The following ATP7B variants were observed in gnomAD, a reference collection of about 807,000 sequenced individuals.
The protein encoded by ATP7B is ATPase copper transporting beta.
A neutral mutation model predicts 118.9 loss-of-function variants in ATP7B; 113 were observed. The observed-to-expected ratio is 0.95, with a 90% CI of 0.82 to 1.11. ATP7B has a LOEUF of 1.11. ATP7B is among the 50% of genes most tolerant of loss of function. ATP7B has a pLI of 0.00. For synonymous variants in ATP7B, 777 were observed against 727.4 expected, an observed-to-expected ratio of 1.07 and a Z score of -1.10; for missense variants, 1,867 against 1,871.4, an observed-to-expected ratio of 1.00 and a Z score of 0.04.
intron 1 of ATP7B, among the ~76,000 whole-genome samples, chr13:51,991,570 A>C (rs1952916542): frequency 1.3e-5 from 2 of 152,214 alleles, no homozygotes; most frequent in Admixed American, 6.5e-5. Flanking sequence ...AAGGAGGCTT[A>C]AGCAGTTGTT....
intron 12 of ATP7B, among the ~76,000 whole-genome samples, chr13:51,948,571 G>A (rs1013615839): frequency 6.6e-6 from 1 of 152,160 alleles, no homozygotes; most frequent in Non-Finnish European, 1.5e-5. Context: ...CAACCTCAGT[G>A]CTACTGACAT....
intron 16 of ATP7B, among the ~76,000 whole-genome samples, chr13:51,940,230 C>G (rs1957249634): frequency 6.8e-6 from 1 of 146,810 alleles, no homozygotes; most frequent in African/African-American, 2.5e-5. Context: ...TCAGACTGGT[C>G]TCGAACTCCC....
At chr13:51,938,914 G>T in intron 17 of ATP7B, 137 bp downstream of exon 17, 1 of 1,386,504 alleles carries the variant, frequency 7.2e-7, no homozygotes, top group Non-Finnish European at 1.0e-6. Context: ...GCCACAGAAT[G>T]AAACACGTGG....
At chr13:51,950,528 A>G in intron 9 of ATP7B, 129 bp from the exon 10 acceptor site, 1 of 1,356,938 alleles carries the variant, frequency 7.4e-7, no homozygotes, top group South Asian at 1.2e-5. Context: ...TGATCTGTTC[A>G]TTTACAGATA....
rs770782111 is a variant in ATP7B, at chr13:51,946,357, A to G, written c.2987T>C (p.Met996Thr). Residue 996 changes from methionine (M) to threonine (T), a missense_variant, in exon 13 of 21, where the codon ATG (methionine) becomes ACG (threonine). Met to Thr is a moderately conservative substitution (Grantham distance 81). Transcript: ENST00000242839. ...SLGLATPTAVMVGTGVAAQNG... is the reference protein window; with the variant it reads ...SLGLATPTAVTVGTGVAAQNG... ...CTGCGCGGCCACCCCGGTGCCCACCATGACAGCCGTGGGCGTGGCCAGCCC... is the reference window on the plus strand; with the variant it reads ...CTGCGCGGCCACCCCGGTGCCCACCGTGACAGCCGTGGGCGTGGCCAGCCC... The G allele has an allele frequency of 6.2e-6, 10 of 1,612,932 alleles. No homozygotes were observed. Among genetic ancestry groups the G allele is most frequent in the Non-Finnish European group, 7.6e-6 (9 of 1,179,794 alleles).
At chr13:51,940,344 G>A (rs964292218) in intron 16 of ATP7B, among the ~76,000 whole-genome samples, 13 of 143,342 alleles carry the variant, frequency 9.1e-5, no homozygotes, top group African/African-American at 2.5e-4. Flanking sequence ...TACTCTGTGC[G>A]ACACCAGTCT....
chr13:51,937,368 C>T lies in ATP7B; in HGVS notation c.3929G>A (p.Ser1310Asn). ...IRNDLLDVVA[S>N]IHLSKRTVRR... Reference sequence around the variant, plus strand: ...GACAGTCCTCTTGGAAAGGTGAATGCTAGCCACCACATCCAGCAAATCATT... The same window carrying T: ...GACAGTCCTCTTGGAAAGGTGAATGTTAGCCACCACATCCAGCAAATCATT... Residue 1310 changes from serine (S) to asparagine (N), a missense_variant, in exon 19 of 21, where the codon AGC becomes AAC. Transcript: ENST00000242839. 1.2e-6 allele frequency: 2 copies of T among 1,614,212 alleles called. No homozygotes were observed. The highest frequency in any genetic ancestry group is 1.7e-6 in the Non-Finnish European group (2 of 1,180,026).
chr13:51,939,276 TATA>T lies in ATP7B; in HGVS notation c.3557-86_3557-84del, dbSNP rs1181603700. The T allele has an allele frequency of 9.5e-6, 15 of 1,582,744 alleles. No homozygotes were observed. In the African/African-American group the frequency reaches 1.9e-4, roughly 20 times the overall value. Reference sequence around the variant, plus strand: ...TACCACACTTGCAATGTTCTCATCATATAATATTATGTGCAAAAAACAAAACAT... The same window carrying T: ...TACCACACTTGCAATGTTCTCATCATATATTATGTGCAAAAAACAAAACAT... On this transcript the variant is annotated intron_variant, in intron 16 of 20. Coordinates refer to ENST00000242839, the MANE Select transcript of ATP7B (RefSeq NM_000053.4).
At chr13:51,987,175 A>G (rs893244665) in intron 1 of ATP7B, among the ~76,000 whole-genome samples, 3 of 152,186 alleles carry the variant, frequency 2.0e-5, no homozygotes, top group Non-Finnish European at 4.4e-5. Context: ...AAACCCCATC[A>G]TCTCAGCCCA....
intron 1 of ATP7B, among the ~76,000 whole-genome samples, chr13:52,005,263 A>C (rs1953711574): frequency 6.6e-6 from 1 of 152,184 alleles, no homozygotes; most frequent in Admixed American, 6.5e-5. Context: ...TTTTGATTAT[A>C]ATTTCTGTCT....
At position 51,950,112 on chromosome 13, in the gene ATP7B, C is replaced by A. The variant is rs1052834834; in HGVS notation, c.2625G>T (p.Gly875=). 1 of 1,614,186 alleles carries A rather than the reference C, an allele frequency of 6.2e-7. No individual in the cohort carries two copies. Among genetic ancestry groups the A allele is most frequent in the South Asian group, 1.1e-5 (1 of 91,078 alleles). Residue 875 remains glycine, a synonymous_variant, in exon 11 of 21, where the codon GGG becomes GGT. Transcript: ENST00000242839. ...GCACAGAGCCATGTGCATTTATAGA[C>A]CCCGCAATTACAGTGCTTCCGGGTT... ...TKKPGSTVIA[G]SINAHGSVLI...
intron 7 of ATP7B, 107 bp from the exon 8 acceptor site, chr13:51,958,651 A>T: frequency 1.1e-6 from 1 of 896,572 alleles, no homozygotes; most frequent in Admixed American, 2.0e-5. Context: ...CTTTGTGCAC[A>T]GTCGTGACAG....
chr13:52,008,079 C>A (rs923421570), intron 1 of ATP7B, among the ~76,000 whole-genome samples: 2 of 151,940 alleles, frequency 1.3e-5, no homozygotes, highest in East Asian at 3.9e-4. Flanking sequence ...AGTGGCCTCA[C>A]GCCTGTAATT....
At chr13:51,960,590 T>C (rs1958670360) in intron 6 of ATP7B, among the ~76,000 whole-genome samples, 1 of 152,160 alleles carries the variant, frequency 6.6e-6, no homozygotes. Context: ...ACCTCCAATT[T>C]ACGGGTGAGG....
chr13:51,999,843 C>T (rs575538865), intron 1 of ATP7B, among the ~76,000 whole-genome samples: 2 of 152,152 alleles, frequency 1.3e-5, no homozygotes, highest in Non-Finnish European at 2.9e-5. Flanking sequence ...CTTCGCTCTC[C>T]GAGACAGTGG....
intron 4 of ATP7B, among the ~76,000 whole-genome samples, chr13:51,967,795 G>A (rs892061170): frequency 6.6e-6 from 1 of 152,238 alleles, no homozygotes; most frequent in African/African-American, 2.4e-5. Flanking sequence ...CACAAAAAGA[G>A]CTGTACAAAA....
chr13:52,007,540 C>T lies in ATP7B; in HGVS notation c.51+3747G>A, dbSNP rs573706987. ...CTGTTTCCACTCACGACACTTCTGA[C>T]ACCAAATGTGTGGGGTTTTTCTTCA... On this transcript the variant is annotated intron_variant, in intron 1 of 20. Coordinates refer to ENST00000242839, the MANE Select transcript of ATP7B (RefSeq NM_000053.4). Among the ~76,000 whole-genome samples the T allele has an allele frequency of 3.6e-4, 55 of 152,334 alleles. 1 individual carries two copies. The South Asian group carries it at 0.011, about 31-fold the overall frequency.
At chr13:51,935,532 C>T in intron 20 of ATP7B, 61 bp downstream of exon 20, 1 of 1,504,596 alleles carries the variant, frequency 6.6e-7, no homozygotes, top group South Asian at 1.2e-5. Flanking sequence ...CTGTGCTAAG[C>T]ATGCAGAATG....
At chr13:51,947,647 A>G (rs1957749934) in intron 12 of ATP7B, among the ~76,000 whole-genome samples, 1 of 152,184 alleles carries the variant, frequency 6.6e-6, no homozygotes, top group Non-Finnish European at 1.5e-5. Flanking sequence ...TCATAGAAAC[A>G]GTTATATTTA....
Sources: gnomAD v4.1 joint callset for allele counts (sites outside exome capture counted in the v4.1 genomes callset) on GRCh38, gnomAD v4.1.1 for gene constraint, MANE v1.5 for transcripts, NCBI Gene and HGNC (gene_info 2026-07-23, HGNC 2026-07-21) for gene names.